ITPR1: variants seen among roughly 807,000 people sequenced by gnomAD.
ITPR1 encodes inositol 1,4,5-trisphosphate receptor type 1.
In ITPR1, 96 loss-of-function variants were observed where a neutral mutation model predicts 318.4. The observed-to-expected ratio is 0.30, with a 90% CI of 0.26 to 0.36. The LOEUF is 0.36. Among genes scored for constraint, ITPR1 ranks in the 10% least tolerant of loss-of-function variants. ITPR1 has a pLI of 1.00. For synonymous variants in ITPR1, 1,312 were observed against 1,289.9 expected (o/e 1.02, Z -0.37); for missense variants, 2,440 against 3,460.2 (o/e 0.71, Z 7.40).
chr3:4,811,203 TG>T, intron 55 of ITPR1, 61 bp from the exon 56 acceptor site: 1 of 1,213,836 alleles, frequency 8.2e-7, no homozygotes, highest in South Asian at 1.8e-5. Context: ...GTTTGCATTA[TG>T]GGATAGTGAT....
At chr3:4,572,636 T>C (rs1165952208) in intron 4 of ITPR1, among the ~76,000 whole-genome samples, 5 of 152,234 alleles carry the variant, frequency 3.3e-5, no homozygotes, top group Non-Finnish European at 5.9e-5. Context: ...TTTTTAAGTG[T>C]AAAGTTCAGG....
chr3:4,636,138 C>T (rs895377314), intron 5 of ITPR1, among the ~76,000 whole-genome samples: 13 of 152,050 alleles, frequency 8.5e-5, no homozygotes, highest in East Asian at 3.9e-4. Flanking sequence ...TGAGCCACCG[C>T]GCCTAGCCCA....
chr3:4,609,026 CAAAAG>C (rs2091900964), intron 4 of ITPR1, among the ~76,000 whole-genome samples: 1 of 48,256 alleles, frequency 2.1e-5, no homozygotes, highest in Non-Finnish European at 4.1e-5. Context: ...AAAAAAAAAA[CAAAAG>C]AAAACAACAA....
intron 10 of ITPR1, among the ~76,000 whole-genome samples, chr3:4,648,585 G>A (rs775920767): frequency 3.9e-5 from 6 of 152,156 alleles, no homozygotes; most frequent in African/African-American, 7.2e-5. Context: ...CGAGGTGGGC[G>A]GTTCACTGAA....
chr3:4,803,473 A>G (rs1002912106), intron 54 of ITPR1, among the ~76,000 whole-genome samples: 7 of 152,212 alleles, frequency 4.6e-5, no homozygotes, highest in Non-Finnish European at 1.0e-4. Flanking sequence ...GTGAAAATGC[A>G]TTTACATCGT....
intron 40 of ITPR1, among the ~76,000 whole-genome samples, 191 bp downstream of exon 40, chr3:4,717,590 G>A (rs2041867413): frequency 1.3e-5 from 2 of 152,208 alleles, no homozygotes; most frequent in South Asian, 4.2e-4. Context: ...TTTGCCATTA[G>A]TCCTTGGAGA....
chr3:4,828,803 G>C (rs2050247713), intron 60 of ITPR1, among the ~76,000 whole-genome samples: 1 of 152,210 alleles, frequency 6.6e-6, no homozygotes, highest in Non-Finnish European at 1.5e-5. Context: ...TCCAGCTGAA[G>C]ATTATATAAT....
intron 34 of ITPR1, 45 bp from the exon 35 acceptor site, chr3:4,699,768 G>T (rs765338994): frequency 5.0e-6 from 8 of 1,594,834 alleles, no homozygotes; most frequent in African/African-American, 1.3e-5. Context: ...TTAATGTTTG[G>T]TGTAGGTTTT....
chr3:4,772,099 T>C (rs942974491), intron 46 of ITPR1, among the ~76,000 whole-genome samples: 8 of 152,248 alleles, frequency 5.3e-5, no homozygotes, highest in Admixed American at 3.9e-4. Context: ...AATAAAATTA[T>C]GGTGTGTAGA....
Position 4,706,369 on chromosome 3 carries a change from G to C in ITPR1, c.4842+18G>C. 4 of 1,589,408 alleles carry C rather than the reference G, an allele frequency of 2.5e-6. No individual in the cohort carries two copies. The highest frequency in any genetic ancestry group is 3.4e-6 in the Non-Finnish European group (4 of 1,164,744). On this transcript the variant is annotated intron_variant, in intron 37 of 61. Transcript: ENST00000649015. The stretch of plus-strand genomic sequence containing the variant: ...GATTGCAGGTAATGCCTGGTGTTGA[G>C]AGAAGTGATGCTTAGCCTGGCCTCA...
In ITPR1 at chr3:4,733,135, C is replaced by G; in HGVS notation, c.5268C>G (p.Val1756=). 6.2e-7 allele frequency: 1 copy of G among 1,613,874 alleles called. No individual in the cohort carries two copies. The highest frequency in any genetic ancestry group is 8.5e-7 in the Non-Finnish European group (1 of 1,179,842). The change falls in exon 43 of 62, where the codon GTC becomes GTG. Residue 1756 remains valine, a synonymous_variant. Coordinates refer to ENST00000649015, the MANE Select transcript of ITPR1 (RefSeq NM_001378452.1). ...QVLVNRYYGN[V]RPSGRRESLT... ...TGGTCAACCGTTACTATGGAAACGT[C>G]AGACCTTCGGGACGAAGAGAGAGCC... is the stretch of plus-strand genomic sequence containing the variant.
chr3:4,507,299 T>C (rs2081462775), intron 2 of ITPR1, among the ~76,000 whole-genome samples: 1 of 152,198 alleles, frequency 6.6e-6, no homozygotes, highest in Non-Finnish European at 1.5e-5. Flanking sequence ...GAAATAGTTT[T>C]GACCTTGAAG....
At chr3:4,611,681 G>A (rs1027936478) in intron 4 of ITPR1, among the ~76,000 whole-genome samples, 2 of 152,090 alleles carry the variant, frequency 1.3e-5, no homozygotes, top group South Asian at 2.1e-4. Context: ...GGGAGGCCGC[G>A]GCTGCAGTGA....
chr3:4,572,066 A>G (rs2088065557), intron 4 of ITPR1, among the ~76,000 whole-genome samples: 1 of 152,192 alleles, frequency 6.6e-6, no homozygotes, highest in Admixed American at 6.6e-5. Context: ...AGTCTCCTAG[A>G]GCTGAGTGCT....
At position 4,702,875 on chromosome 3, in the gene ITPR1, G is replaced by A. The variant is rs1559730962; in HGVS notation, c.4582G>A (p.Val1528Ile). The A allele has an allele frequency of 6.2e-7, 1 of 1,613,796 alleles. No individual in the cohort carries two copies. The highest frequency in any genetic ancestry group is 8.5e-7 in the Non-Finnish European group (1 of 1,179,860). ...FVQLLQGVFR[V>I]YHCNWLMPSQ... Reference sequence around the variant, plus strand: ...GCAACTGCTGCAAGGCGTGTTCAGGGTTTACCACTGCAACTGGTTAATGCC... The same window carrying A: ...GCAACTGCTGCAAGGCGTGTTCAGGATTTACCACTGCAACTGGTTAATGCC... The change falls in exon 36 of 62, where the codon GTT (valine) becomes ATT (isoleucine). Residue 1528 changes from valine (V) to isoleucine (I), a missense_variant. Around this residue, in one of 23 missense-constraint regions of ITPR1, gnomAD observed 166 missense variants for 246.5 expected, o/e 0.67. Coordinates refer to ENST00000649015, the MANE Select transcript of ITPR1 (RefSeq NM_001378452.1).
intron 4 of ITPR1, among the ~76,000 whole-genome samples, chr3:4,576,312 T>G (rs1041870720): frequency 4.6e-5 from 7 of 152,216 alleles, no homozygotes; most frequent in African/African-American, 1.7e-4. Context: ...CAGACCTGAA[T>G]GTGCATAAGA....
intron 33 of ITPR1, among the ~76,000 whole-genome samples, 190 bp downstream of exon 33, chr3:4,693,931 C>T (rs1219844844): frequency 2.6e-5 from 4 of 152,136 alleles, no homozygotes; most frequent in Admixed American, 6.5e-5. Flanking sequence ...GAAAGGAACA[C>T]GGAAGAAGTT....
intron 60 of ITPR1, among the ~76,000 whole-genome samples, chr3:4,829,159 A>G (rs1331833401): frequency 6.6e-6 from 1 of 152,172 alleles, no homozygotes. Flanking sequence ...GATCTCTTTC[A>G]AAAAAGAAAG....
At chr3:4,816,745 C>T (rs12638626) in intron 59 of ITPR1, among the ~76,000 whole-genome samples, 1 of 152,076 alleles carries the variant, frequency 6.6e-6, no homozygotes, top group Non-Finnish European at 1.5e-5. Flanking sequence ...TTTCCAGTAA[C>T]TCCATAAAGT....
Sources: allele counts gnomAD v4.1 joint callset (sites outside exome capture counted in the v4.1 genomes callset), GRCh38; gene constraint gnomAD v4.1.1; regional missense constraint gnomAD v4.1.1; transcripts MANE v1.5; gene names NCBI Gene and HGNC (gene_info 2026-07-23, HGNC 2026-07-21).